Variants in CDON observed in about 807,000 individuals in gnomAD.
The protein encoded by CDON is cell adhesion associated, oncogene regulated.
Under a neutral mutation model 120.9 loss-of-function variants are expected in CDON, and 73 were observed. That is an observed-to-expected ratio of 0.60 (90% confidence interval 0.50 to 0.73). The LOEUF (loss-of-function observed/expected upper bound fraction) is 0.73. CDON is among the 30% of genes least tolerant of loss of function. The pLI, the probability that CDON is intolerant of heterozygous loss-of-function variation, is 0.00. For synonymous variants in CDON, 566 were observed against 573.5 expected, an observed-to-expected ratio of 0.99 and a Z score of 0.19; for missense variants, 1,470 against 1,587.3, an observed-to-expected ratio of 0.93 and a Z score of 1.26.
At chr11:125,981,966 T>TTTTC (rs1340953503) in intron 16 of CDON, among the ~76,000 whole-genome samples, 2 of 118,522 alleles carry the variant, frequency 1.7e-5, no homozygotes, top group East Asian at 2.4e-4. Context: ...AGTGATTCTA[T>TTTTC]TTTCTTTTTT....
intron 18 of CDON, among the ~76,000 whole-genome samples, chr11:125,966,567 A>G (rs944852656): frequency 3.9e-5 from 6 of 152,216 alleles, no homozygotes; most frequent in Admixed American, 3.3e-4. Context: ...CTGGAGACAC[A>G]GAAGCTAAGA....
chr11:126,038,789 C>T (rs923215499), intron 1 of CDON, among the ~76,000 whole-genome samples: 2 of 152,140 alleles, frequency 1.3e-5, no homozygotes, highest in Non-Finnish European at 2.9e-5. Flanking sequence ...TTCTCTCTTC[C>T]TAGCTTCCCT....
At position 125,989,334 on chromosome 11, in the gene CDON, G is replaced by A. The variant is rs138921366; in HGVS notation, c.2773+303C>T. Among the ~76,000 whole-genome samples the A allele has an allele frequency of 4.0e-4, 61 of 152,244 alleles. No homozygotes were observed. The East Asian group carries it at 0.01, about 25-fold the overall frequency. On this transcript the variant is annotated intron_variant, in intron 15 of 19. Coordinates refer to ENST00000531738, the MANE Select transcript of CDON (RefSeq NM_001378964.1). Reference sequence around the variant, plus strand: ...GTACATCACCTGAGGCCAGGAGTTCGAGACCAGCTTGGCCAACATGGTGAA... The same window carrying A: ...GTACATCACCTGAGGCCAGGAGTTCAAGACCAGCTTGGCCAACATGGTGAA...
Position 126,008,735 on chromosome 11 carries a change from T to C in CDON, c.1552+1606A>G, listed in dbSNP as rs1257674240. Among the ~76,000 whole-genome samples the C allele has an allele frequency of 2.0e-5, 3 of 152,310 alleles. 1 individual carries two copies. Among genetic ancestry groups the C allele is most frequent in the East Asian group, 1.9e-4 (1 of 5,178 alleles). ...AATTTCGAGCAGAGCCACTCTTATT[T>C]TTGCCTAGAGGAATAGAAATATAAA... On this transcript the variant is annotated intron_variant, in intron 8 of 19. Coordinates refer to ENST00000531738, the MANE Select transcript of CDON (RefSeq NM_001378964.1).
chr11:126,042,074 G>A (rs1169093071), intron 1 of CDON, among the ~76,000 whole-genome samples: 1 of 152,068 alleles, frequency 6.6e-6, no homozygotes, highest in Non-Finnish European at 1.5e-5. Flanking sequence ...AGTAGAAACG[G>A]TGTTTCTCCA....
At chr11:125,978,778 A>G (rs625280) in intron 17 of CDON, among the ~76,000 whole-genome samples, 41,553 of 152,118 alleles carry the variant, frequency 0.27, 6,062 homozygotes, top group African/African-American at 0.36. Context: ...TTCATGTGAT[A>G]CCAGTTGGAG....
At chr11:125,973,245 A>G (rs11220293) in intron 18 of CDON, among the ~76,000 whole-genome samples, 61,388 of 151,716 alleles carry the variant, frequency 0.4, 12,646 homozygotes, top group African/African-American at 0.46. Context: ...TTAAAAACCC[A>G]AATTCAGCTG....
At position 125,981,326 on chromosome 11, in the gene CDON, T is replaced by C. The variant is rs1388222481; in HGVS notation, c.2999A>G (p.Tyr1000Cys). 1.9e-6 allele frequency: 3 copies of C among 1,612,554 alleles called. No homozygotes were observed. The highest frequency in any genetic ancestry group is 2.7e-5 in the African/African-American group (2 of 75,012). The change falls in exon 17 of 20, where the codon TAT (tyrosine) becomes TGT (cysteine). Residue 1000 changes from tyrosine to cysteine, a missense_variant. Transcript: ENST00000531738. ...KNRQQNTIQK[Y>C]DPPGYLYQGS... Reference sequence around the variant, plus strand: ...TTGGTAGAGATATCCTGGTGGGTCATATTCTGTTAAAAGAGAACAAAAAAG... The same window carrying C: ...TTGGTAGAGATATCCTGGTGGGTCACATTCTGTTAAAAGAGAACAAAAAAG...
At position 126,004,422 on chromosome 11, in the gene CDON, A is replaced by C. The variant is rs139339359; in HGVS notation, c.1852-346T>G. 5.1e-4 allele frequency: 159 copies of C among 309,618 alleles called. 1 individual carries two copies. In the East Asian group the frequency reaches 0.011, roughly 22 times the overall value. The allele number at this position is 309,618 out of a possible 1,614,324, so 19.2% of individuals were successfully genotyped here. ...TAATGAAGAATAAAATAAGTATAAA[A>C]TAATAGGTATCATTGGTAATTATAT... On this transcript the variant is annotated intron_variant, in intron 9 of 19. Transcript: ENST00000531738.
intron 17 of CDON, 126 bp downstream of exon 17, chr11:125,980,923 A>C: frequency 1.1e-6 from 1 of 914,060 alleles, no homozygotes; most frequent in Non-Finnish European, 1.8e-6. Context: ...CCAGTGATCC[A>C]TGCTGTTTCC....
At chr11:125,996,829 T>G (rs1440268762) in intron 12 of CDON, among the ~76,000 whole-genome samples, 1 of 151,892 alleles carries the variant, frequency 6.6e-6, no homozygotes, top group African/African-American at 2.4e-5. Context: ...CACATTTTTA[T>G]ACAATAAGCG....
chr11:126,022,395 T>C (rs927750543), intron 2 of CDON, among the ~76,000 whole-genome samples: 1 of 152,190 alleles, frequency 6.6e-6, no homozygotes, highest in African/African-American at 2.4e-5. Flanking sequence ...GGCTATCCTT[T>C]CTTAAACATA....
In CDON at chr11:125,984,093, A is replaced by C; in HGVS notation, c.2774T>G (p.Val925Gly). The C allele has an allele frequency of 6.3e-7, 1 of 1,595,226 alleles. No individual in the cohort carries two copies. Among genetic ancestry groups the C allele is most frequent in the South Asian group, 1.1e-5 (1 of 90,682 alleles). The change falls in exon 16 of 20, where the codon GTG becomes GGG. Residue 925 changes from valine to glycine, a missense_variant and splice_region_variant. Coordinates refer to ENST00000531738, the MANE Select transcript of CDON (RefSeq NM_001378964.1). The stretch of plus-strand genomic sequence containing the variant: ...TTCAGAAGCTCCAGGAACACGTTTC[A>C]CTAGTTGAAATATAAAGGAAAACAT... ...FSNVMICETKVKRVPGASEYP... is the reference protein window; with the variant it reads ...FSNVMICETKGKRVPGASEYP...
Position 126,023,451 on chromosome 11 carries a change from C to T in CDON, c.26G>A (p.Cys9Tyr). MHPDLGPL[C>Y]TLLYVTLTIL... The stretch of plus-strand genomic sequence containing the variant: ...TGTAAGAGTAACATACAGCAGTGTA[C>T]ATAAGGGTCCAAGATCCGGATGCAT... The change falls in exon 2 of 20, where the codon TGT becomes TAT. Residue 9 changes from cysteine (C) to tyrosine (Y), a missense_variant. Physicochemically the swap from Cys to Tyr is radical, Grantham distance 194 (BLOSUM62 -2). Transcript: ENST00000531738. 1.2e-6 allele frequency: 2 copies of T among 1,613,336 alleles called. No individual in the cohort carries two copies. Among genetic ancestry groups the T allele is most frequent in the Non-Finnish European group, 1.7e-6 (2 of 1,179,306 alleles).
rs1203837321 is a variant in CDON at position 125,958,762 on chromosome 11, T to C, written c.*2180A>G. The C allele has an allele frequency of 2.0e-5, 3 of 152,570 alleles. No homozygotes were observed. Among genetic ancestry groups the C allele is most frequent in the Non-Finnish European group, 2.9e-5 (2 of 68,038 alleles). The allele number at this position is 152,570 out of a possible 1,614,324, so 9.5% of individuals were successfully genotyped here. On this transcript the variant is annotated 3_prime_UTR_variant, in exon 20 of 20. Transcript: ENST00000531738. ...TTCTCTTCCTCGTGGACAGATCCCA[T>C]ATTCAAACTCAATCTTTAAAAGCAG...
At position 125,994,948 on chromosome 11, in the gene CDON, A is replaced by C. The variant is rs764628885; in HGVS notation, c.2467T>G (p.Ser823Ala). 3.1e-6 allele frequency: 5 copies of C among 1,614,078 alleles called. No homozygotes were observed. Among genetic ancestry groups the C allele is most frequent in the Non-Finnish European group, 3.4e-6 (4 of 1,179,908 alleles). The change falls in exon 13 of 20, where the codon TCC becomes GCC. Residue 823 changes from serine to alanine, a missense_variant. Ser to Ala is a moderately conservative substitution (Grantham distance 99). Transcript: ENST00000531738. ...TGAGGTCCAGTTATTGGACGGCTGGAAAAGCGATTGGGGAACCCAACCACT... is the reference window on the plus strand; with the variant it reads ...TGAGGTCCAGTTATTGGACGGCTGGCAAAGCGATTGGGGAACCCAACCACT... ...YQVVGFPNRFSSRPITGPHIA... is the reference protein window; with the variant it reads ...YQVVGFPNRFASRPITGPHIA...
At chr11:126,011,052 T>A (rs1263108314) in intron 7 of CDON, 3 of 364,762 alleles carry the variant, frequency 8.2e-6, no homozygotes, top group East Asian at 7.4e-5. Flanking sequence ...AATGTGTAAA[T>A]AAGTATAAAA....
intron 1 of CDON, among the ~76,000 whole-genome samples, chr11:126,027,136 C>T (rs1430641562): frequency 6.6e-6 from 1 of 152,206 alleles, no homozygotes; most frequent in Non-Finnish European, 1.5e-5. Flanking sequence ...CCAGAAAAGG[C>T]ATTTACTAAA....
At chr11:125,982,647 T>C (rs1294591486) in intron 16 of CDON, among the ~76,000 whole-genome samples, 1 of 152,202 alleles carries the variant, frequency 6.6e-6, no homozygotes, top group African/African-American at 2.4e-5. Flanking sequence ...ACGATGATTA[T>C]CTTTTGAATA....
Sources: allele counts gnomAD v4.1 joint callset (sites outside exome capture counted in the v4.1 genomes callset), GRCh38; gene constraint gnomAD v4.1.1; transcripts MANE v1.5; gene names NCBI Gene and HGNC (gene_info 2026-07-23, HGNC 2026-07-21).